The following PDCD6 variants were observed in gnomAD, a reference collection of about 807,000 sequenced individuals.
PDCD6 encodes the protein programmed cell death protein 6.
In PDCD6, 12 loss-of-function variants were observed where a neutral mutation model predicts 28.3. The observed-to-expected ratio is 0.42, with a 90% confidence interval of 0.27 to 0.69. The LOEUF (loss-of-function observed/expected upper bound fraction) is 0.69. PDCD6 is among the 30% of genes least tolerant of loss of function. PDCD6 has a pLI of 0.22. For synonymous variants in PDCD6, 92 were observed against 108.0 expected (o/e 0.85, Z 0.92); for missense variants, 226 against 269.9 (o/e 0.84, Z 1.14).
chr5:278,951 C>G (rs1159507134), intron 2 of PDCD6, among the ~76,000 whole-genome samples: 1 of 151,818 alleles, frequency 6.6e-6, no homozygotes, highest in Admixed American at 6.6e-5. Flanking sequence ...TCCTGTCTCA[C>G]GGGGTGTGGG....
chr5:291,634 A>C (rs971634131), intron 2 of PDCD6, among the ~76,000 whole-genome samples: 9 of 141,094 alleles, frequency 6.4e-5, no homozygotes, highest in Non-Finnish European at 1.2e-4. Context: ...TCCCGTCTCC[A>C]TTCTCTCCCT....
intron 5 of PDCD6, 56 bp from the exon 6 acceptor site, chr5:314,361 G>C: frequency 7.5e-7 from 1 of 1,325,804 alleles, no homozygotes; most frequent in Non-Finnish European, 1.1e-6. Context: ...CTTTGTCCCA[G>C]TGCACCTTGC....
rs1332952628 is a variant in PDCD6 at position 305,246 on chromosome 5, A to G, written c.208+1025A>G. On this transcript the variant is annotated intron_variant, in intron 3 of 5. Transcript: ENST00000264933. This position sits in a 1 kb window ranked among gnomAD's most constrained non-coding sequence, Gnocchi z 4.0. ...GGTTCAGTTCTGCCTCACAGGGACCATGGCATTGTGTCTCGAGGTTTCCCA... is the reference window on the plus strand; with the variant it reads ...GGTTCAGTTCTGCCTCACAGGGACCGTGGCATTGTGTCTCGAGGTTTCCCA... 2 of 149,762 alleles carry G rather than the reference A, an allele frequency of 1.3e-5. No individual in the cohort carries two copies. Among genetic ancestry groups the G allele is most frequent in the Non-Finnish European group, 2.9e-5 (2 of 68,002 alleles). The allele number at this position is 149,762 out of a possible 1,614,324, so 9.3% of individuals were successfully genotyped here. A position where few individuals can be genotyped will look rare whatever the true frequency, so the allele number is the denominator to read the frequency against.
intron 1 of PDCD6, 121 bp from the exon 2 acceptor site, chr5:272,590 G>C (rs1372158836): frequency 6.1e-5 from 77 of 1,257,608 alleles, no homozygotes; most frequent in Non-Finnish European, 7.7e-5. Flanking sequence ...TCAGCGGGAC[G>C]GGAGAGGCGG....
At chr5:302,323 G>C (rs888861594) in intron 2 of PDCD6, among the ~76,000 whole-genome samples, 1 of 145,766 alleles carries the variant, frequency 6.9e-6, no homozygotes, top group Non-Finnish European at 1.5e-5. Flanking sequence ...TCAGGTTCAG[G>C]TGCACCTGCC....
At chr5:279,783 CAAAAAA>C (rs35224887) in intron 2 of PDCD6, among the ~76,000 whole-genome samples, 10 of 75,586 alleles carry the variant, frequency 1.3e-4, no homozygotes, top group Admixed American at 3.0e-4. Context: ...AAAGTAATGG[CAAAAAA>C]AAAAAAAAAA....
At chr5:273,902 TG>T (rs1738010419) in intron 2 of PDCD6, among the ~76,000 whole-genome samples, 1 of 151,374 alleles carries the variant, frequency 6.6e-6, no homozygotes, top group South Asian at 2.1e-4. Context: ...TGTGCTTTCT[TG>T]GTTTTTCTCT....
intron 2 of PDCD6, chr5:276,245 T>C (rs1738191153): frequency 1.7e-6 from 2 of 1,151,868 alleles, no homozygotes; most frequent in Non-Finnish European, 2.2e-6. Context: ...ACAAAGAAAG[T>C]GGATGCGCGC....
At chr5:306,421 G>A (rs1032444277) in intron 3 of PDCD6, 181 bp from the exon 4 acceptor site, 7 of 609,678 alleles carry the variant, frequency 1.1e-5, no homozygotes, top group South Asian at 1.9e-5. Context: ...CACCCAGGGC[G>A]AAGGTGACAA....
intron 2 of PDCD6, among the ~76,000 whole-genome samples, chr5:274,954 C>T (rs778161876): frequency 1.3e-5 from 2 of 152,154 alleles, no homozygotes; most frequent in Admixed American, 6.5e-5. Flanking sequence ...TCCTGAGATA[C>T]TTTGAAATCA....
chr5:300,477 T>A (rs968451991), intron 2 of PDCD6, among the ~76,000 whole-genome samples: 2 of 152,214 alleles, frequency 1.3e-5, no homozygotes, highest in Middle Eastern at 3.2e-3. Flanking sequence ...GGGACCCCCA[T>A]GCAGTCTTTC....
At chr5:289,350 A>G in intron 2 of PDCD6, 1 of 561,328 alleles carries the variant, frequency 1.8e-6, no homozygotes. Context: ...CACGAAAGCA[A>G]TGAATACAAG....
In PDCD6 at chr5:314,088, C is replaced by A. The variant is rs1012561967; in HGVS notation, c.478-329C>A. ...AGGCGAGCCACTGGAGGGTGGAGGGCTTCCACGGGACGGTCTTCAGGGGGA... is the reference window on the plus strand; with the variant it reads ...AGGCGAGCCACTGGAGGGTGGAGGGATTCCACGGGACGGTCTTCAGGGGGA... On this transcript the variant is annotated intron_variant, in intron 5 of 5. Coordinates refer to ENST00000264933, the MANE Select transcript of PDCD6 (RefSeq NM_013232.4). Among the ~76,000 whole-genome samples the A allele has an allele frequency of 2.7e-4, 41 of 152,216 alleles. 1 individual carries two copies. The highest frequency in any genetic ancestry group is 9.2e-4 in the Admixed American group (14 of 15,288).
chr5:289,715 A>C (rs563119398), intron 2 of PDCD6: 1 of 871,128 alleles, frequency 1.1e-6, no homozygotes, highest in Non-Finnish European at 2.0e-6. Context: ...TTTTGCTGCA[A>C]ATTTACCTCT....
chr5:294,685 C>T (rs1451833564), intron 2 of PDCD6, among the ~76,000 whole-genome samples: 8 of 152,250 alleles, frequency 5.3e-5, no homozygotes, highest in African/African-American at 1.4e-4. Flanking sequence ...CCAGCAACCC[C>T]GCTCCTGAAA....
chr5:314,660 G>A lies in PDCD6; in HGVS notation c.*145G>A, dbSNP rs1741154220. 1.4e-6 allele frequency: 1 copy of A among 704,614 alleles called. No homozygotes were observed. The highest frequency in any genetic ancestry group is 1.7e-5 in the African/African-American group (1 of 57,284). The allele number at this position is 704,614 out of a possible 1,614,324, so 43.6% of individuals were successfully genotyped here. A position where few individuals can be genotyped will look rare whatever the true frequency, so the allele number is the denominator to read the frequency against. On this transcript the variant is annotated 3_prime_UTR_variant, in exon 6 of 6. Coordinates refer to ENST00000264933, the MANE Select transcript of PDCD6 (RefSeq NM_013232.4). The stretch of plus-strand genomic sequence containing the variant: ...GTGGGGACCCAGCTGTACATATGTG[G>A]ATAAGCTGATTAATGGTTTTGCAAC...
intron 2 of PDCD6, among the ~76,000 whole-genome samples, chr5:283,465 C>G (rs1167998946): frequency 2.6e-5 from 4 of 151,544 alleles, no homozygotes; most frequent in Non-Finnish European, 4.4e-5. Flanking sequence ...CAGAGAGGAG[C>G]TGATGTTCTA....
chr5:276,474 GA>G (rs1738209394), intron 2 of PDCD6: 1 of 984,912 alleles, frequency 1.0e-6, no homozygotes, highest in Non-Finnish European at 1.2e-6. Flanking sequence ...TTTATTTTAA[GA>G]AAAAAATTAG....
At chr5:275,305 C>CA (rs1465660723) in intron 2 of PDCD6, among the ~76,000 whole-genome samples, 4 of 152,210 alleles carry the variant, frequency 2.6e-5, no homozygotes, top group Non-Finnish European at 2.9e-5. Context: ...CATGTGGCCC[C>CA]ATGAAGCCCG....
Sources: gnomAD v4.1 joint callset for allele counts (sites outside exome capture counted in the v4.1 genomes callset) on GRCh38, gnomAD v4.1.1 for gene constraint, Gnocchi (gnomAD v3.1) non-coding constraint, MANE v1.5 for transcripts, NCBI Gene and HGNC (gene_info 2026-07-23, HGNC 2026-07-21) for gene names.